Variants in TMEM255A observed in about 807,000 individuals in gnomAD.
TMEM255A encodes transmembrane protein 255A.
TMEM255A carries 14 observed loss-of-function variants against 23.5 expected under a neutral mutation model. The ratio of observed to expected loss-of-function variants is 0.60; its 90% CI spans 0.39 to 0.93. TMEM255A has a LOEUF of 0.93. Ranked by LOEUF, TMEM255A falls within the 40% of genes least tolerant of loss-of-function variation. The pLI, the probability that TMEM255A is intolerant of heterozygous loss-of-function variation, is 0.00. For missense variants in TMEM255A, 233 were observed against 261.7 expected, an observed-to-expected ratio of 0.89 and a Z score of 0.76; for synonymous variants, 104 against 100.3, an observed-to-expected ratio of 1.04 and a Z score of -0.22.
chrX:120,301,252 T>G lies in TMEM255A; in HGVS notation c.201+3097A>C, dbSNP rs150104729. Among the ~76,000 whole-genome samples, 15 of 112,195 alleles carry G rather than the reference T, an allele frequency of 1.3e-4. No individual in the cohort carries two copies. The South Asian group carries it at 2.2e-3, about 17-fold the overall frequency. On this transcript the variant is annotated intron_variant, in intron 2 of 8. Coordinates refer to ENST00000371369, the MANE Select transcript of TMEM255A (RefSeq NM_001104544.3). ...TAGAATTATGCAAATTGAGTTATAT[T>G]TTAAGTACCTGAGATCACAATATTT...
chrX:120,254,852 A>G (rs1460620332), downstream of TMEM255A: 1 of 1,212,092 alleles, frequency 8.3e-7, no homozygotes, highest in Non-Finnish European at 1.1e-6. Context: ...TGAAAGTAAA[A>G]CATGATGATC....
intron 8 of TMEM255A, among the ~76,000 whole-genome samples, chrX:120,263,317 C>T (rs1219767576): frequency 8.9e-6 from 1 of 112,001 alleles, no homozygotes; most frequent in Non-Finnish European, 1.9e-5. Flanking sequence ...TTGTGCACCA[C>T]CAAGCACGAA....
chrX:120,306,842 C>T (rs184764597), intron 1 of TMEM255A, among the ~76,000 whole-genome samples: 102 of 112,254 alleles, frequency 9.1e-4, no homozygotes, highest in South Asian at 1.8e-3. Flanking sequence ...AGTGACTCAG[C>T]AAACCACATA....
At chrX:120,265,217 A>G (rs1267707455) in intron 8 of TMEM255A, among the ~76,000 whole-genome samples, 5 of 112,172 alleles carry the variant, frequency 4.5e-5, no homozygotes, top group Non-Finnish European at 5.6e-5. Flanking sequence ...CTATGAAACT[A>G]TAAGGGAATG....
chrX:120,253,319 A>G, the TMEM255A span: 3 of 860,857 alleles, frequency 3.5e-6, no homozygotes, highest in Non-Finnish European at 4.7e-6. Context: ...AAACTTGAAT[A>G]AACTATTTAA....
chrX:120,307,807 A>G (rs1556027401), intron 1 of TMEM255A, among the ~76,000 whole-genome samples: 1 of 112,010 alleles, frequency 8.9e-6, no homozygotes, highest in African/African-American at 3.3e-5. Context: ...CAGCAGTGAG[A>G]GAGTCTGAAA....
intron 3 of TMEM255A, among the ~76,000 whole-genome samples, chrX:120,292,133 G>A (rs1234434701): frequency 2.7e-5 from 3 of 111,501 alleles, no homozygotes; most frequent in Non-Finnish European, 5.6e-5. Flanking sequence ...GAGCCACTAT[G>A]CACAGCCAGT....
chrX:120,264,161 G>A (rs1046815145), intron 8 of TMEM255A, among the ~76,000 whole-genome samples: 1 of 111,354 alleles, frequency 9.0e-6, no homozygotes, highest in Non-Finnish European at 1.9e-5. Context: ...GGAACCTTGA[G>A]GGGTTTATAA....
intron 5 of TMEM255A, chrX:120,285,923 C>T (rs188403009): frequency 6.1e-5 from 72 of 1,171,420 alleles, no homozygotes; most frequent in Admixed American, 3.6e-4. Context: ...AGCTCTCTCC[C>T]CCATCCAGAT....
At chrX:120,280,742 C>G (rs1207983603) in intron 6 of TMEM255A, among the ~76,000 whole-genome samples, 5 of 111,429 alleles carry the variant, frequency 4.5e-5, no homozygotes, top group Admixed American at 1.9e-4. Context: ...ATTCCTCAGT[C>G]TGCCAAAGTC....
chrX:120,311,051 C>T (rs1341815325), intron 1 of TMEM255A, among the ~76,000 whole-genome samples: 1 of 111,019 alleles, frequency 9.0e-6, no homozygotes, highest in African/African-American at 3.3e-5. Context: ...GCGCTCCGAT[C>T]TCCGCACGTC....
chrX:120,288,668 AGCCAGGGCTTG>A (rs2057893683), intron 4 of TMEM255A, among the ~76,000 whole-genome samples: 1 of 112,362 alleles, frequency 8.9e-6, no homozygotes, highest in African/African-American at 3.2e-5. Context: ...AAGGTCACTC[AGCCAGGGCTTG>A]GCAACCTCTG....
intron 2 of TMEM255A, among the ~76,000 whole-genome samples, chrX:120,301,917 C>T (rs782409201): frequency 3.7e-4 from 41 of 112,054 alleles, no homozygotes; most frequent in African/African-American, 1.3e-3. Context: ...TTTGTTACAA[C>T]GTGATCTGAC....
At chrX:120,305,573 T>G (rs1293344457) in intron 1 of TMEM255A, among the ~76,000 whole-genome samples, 1 of 110,807 alleles carries the variant, frequency 9.0e-6, no homozygotes, top group Non-Finnish European at 1.9e-5. Context: ...AGAGATCACT[T>G]GAGTCTGTCC....
chrX:120,305,706 G>A (rs1280705581), intron 1 of TMEM255A, among the ~76,000 whole-genome samples: 1 of 110,446 alleles, frequency 9.1e-6, no homozygotes, highest in Non-Finnish European at 1.9e-5. Context: ...AGAGGGGATG[G>A]AGGAAGGGGG....
At chrX:120,307,657 T>A (rs2058073155) in intron 1 of TMEM255A, among the ~76,000 whole-genome samples, 1 of 112,430 alleles carries the variant, frequency 8.9e-6, no homozygotes, top group African/African-American at 3.2e-5. Flanking sequence ...ATTGATTTTT[T>A]AATGTAGGGT....
At chrX:120,254,038 T>C (rs782200066), downstream of TMEM255A, 6 of 1,208,268 alleles carry the variant, frequency 5.0e-6, no homozygotes, top group Admixed American at 4.4e-5. Context: ...AAGGAGACTT[T>C]GCCGAGTAAT....
chrX:120,291,182 C>T (rs983968319), intron 4 of TMEM255A, 69 bp downstream of exon 4: 12 of 842,141 alleles, frequency 1.4e-5, no homozygotes, highest in South Asian at 1.3e-4. Flanking sequence ...GACTGAACAT[C>T]GAGCACACAT....
chrX:120,255,534 G>A (rs782536589), downstream of TMEM255A: 2 of 701,825 alleles, frequency 2.8e-6, no homozygotes, highest in Admixed American at 7.3e-5. Flanking sequence ...AATTTGATCT[G>A]CCACATTATC....
Sources: gnomAD v4.1 joint callset for allele counts (sites outside exome capture counted in the v4.1 genomes callset) on GRCh38, gnomAD v4.1.1 for gene constraint, MANE v1.5 for transcripts, NCBI Gene and HGNC (gene_info 2026-07-23, HGNC 2026-07-21) for gene names.